Variants in PLPPR3 observed in about 807,000 individuals in gnomAD.
PLPPR3 encodes the protein phospholipid phosphatase-related protein type 3.
A neutral mutation model predicts 27.3 loss-of-function variants in PLPPR3; 14 were observed. The ratio of observed to expected loss-of-function variants is 0.51; its 90% CI spans 0.34 to 0.80. PLPPR3 has a LOEUF of 0.80. Among genes scored for constraint, PLPPR3 ranks in the 30% least tolerant of loss-of-function variants. The probability of loss-of-function intolerance (pLI) is 0.01; values close to 1 mark genes in which losing one functional copy is unlikely to be tolerated. For synonymous variants in PLPPR3, 671 were observed against 508.0 expected (o/e 1.32, Z -4.32); for missense variants, 1,287 against 1,056.9 (o/e 1.22, Z -3.02).
intron 7 of PLPPR3, among the ~76,000 whole-genome samples, chr19:814,131 C>G (rs1359626891): frequency 6.6e-6 from 1 of 152,030 alleles, no homozygotes; most frequent in African/African-American, 2.4e-5. Context: ...TGCCTTCCCC[C>G]TAAGACCCCT....
At chr19:814,812 G>C (rs1429968604) in intron 5 of PLPPR3, 63 bp from the exon 6 acceptor site, 2 of 1,568,470 alleles carry the variant, frequency 1.3e-6, no homozygotes, top group East Asian at 2.2e-5. Flanking sequence ...TGGCCTCTCT[G>C]TGTCTCTGTT....
Position 812,850 on chromosome 19 carries a change from C to T in PLPPR3, c.1877G>A (p.Arg626His), listed in dbSNP as rs1047085921. The T allele has an allele frequency of 3.5e-6, 4 of 1,145,964 alleles. No homozygotes were observed. Among genetic ancestry groups the T allele is most frequent in the South Asian group, 2.8e-5 (1 of 35,118 alleles). The allele number at this position is 1,145,964 out of a possible 1,614,324, so 71.0% of individuals were successfully genotyped here. A position where few individuals can be genotyped will look rare whatever the true frequency, so the allele number is the denominator to read the frequency against. Residue 626 changes from arginine (R) to histidine (H), a missense_variant, in exon 8 of 8, where the codon CGC (arginine) becomes CAC (histidine). Transcript: ENST00000520876. The stretch of plus-strand genomic sequence containing the variant: ...GGGCTTGGCCCCGCCGCGGAAGCCG[C>T]GCGCCAGGTCCCCCAGCTCGTAGCC... The part of the protein sequence containing the change: ...DGGYELGDLA[R>H]GFRGGAKPPG...
intron 2 of PLPPR3, among the ~76,000 whole-genome samples, chr19:819,966 A>G (rs1190413467): frequency 6.6e-6 from 1 of 150,498 alleles, no homozygotes; most frequent in African/African-American, 2.4e-5. Flanking sequence ...TCAGGCTCCT[A>G]TGTAACTGAG....
Position 814,995 on chromosome 19 carries a change from T to C in PLPPR3, c.490A>G (p.Thr164Ala), listed in dbSNP as rs772524973. 3 of 1,611,926 alleles carry C rather than the reference T, an allele frequency of 1.9e-6. No individual in the cohort carries two copies. The South Asian group carries it at 3.3e-5, about 18-fold the overall frequency. Residue 164 changes from threonine (T) to alanine (A), a missense_variant, in exon 5 of 8, where the codon ACC (threonine) becomes GCC (alanine). Coordinates refer to ENST00000520876, the MANE Select transcript of PLPPR3 (RefSeq NM_001270366.2). ...ATGYHTPFFL[T>A]VCKPNYTLLG... is the part of the protein sequence containing the mutation. ...AGAGTGTAGTTGGGCTTGCAGACGG[T>C]GAGGAAGAAGGGAGTGTGGTAACCC...
At position 814,372 on chromosome 19, in the gene PLPPR3, A is replaced by G. The variant is rs1335459576; in HGVS notation, c.831+62T>C. On this transcript the variant is annotated intron_variant, in intron 7 of 7. Transcript: ENST00000520876. ...CCCCACTCAGGCCCTGTGGGCACTC[A>G]TGCCTCCCCCCTCAGATCCCCTGGG... is the stretch of plus-strand genomic sequence containing the variant. 2.0e-6 allele frequency: 3 copies of G among 1,483,010 alleles called. No homozygotes were observed. In the South Asian group the frequency reaches 3.9e-5, roughly 19 times the overall value. 91.9% of individuals were successfully genotyped at this position (1,483,010 alleles called of 1,614,324 possible).
At chr19:821,456 C>T (rs763791316) in intron 2 of PLPPR3, 29 bp downstream of exon 2, 3 of 1,503,940 alleles carry the variant, frequency 2.0e-6, no homozygotes, top group Non-Finnish European at 2.7e-6. Flanking sequence ...GAGGCGTCTC[C>T]CCCGGGCCCC....
At position 813,579 on chromosome 19, in the gene PLPPR3, G is replaced by C; in HGVS notation, c.1148C>G (p.Pro383Arg). The change falls in exon 8 of 8, where the codon CCC becomes CGC. Residue 383 changes from proline to arginine, a missense_variant. By Grantham distance (103) the Pro-to-Arg change is moderately radical. Transcript: ENST00000520876. The surrounding 1 kb of genome is among the most constrained non-coding windows in gnomAD (Gnocchi z 4.1). ...FSHTLPRASA[P>R]SLDDPARRHM... ...GCGGCGCGCGGGGTCGTCCAGCGAGGGCGCGCTGGCCCTGGGCAGCGTGTG... is the reference window on the plus strand; with the variant it reads ...GCGGCGCGCGGGGTCGTCCAGCGAGCGCGCGCTGGCCCTGGGCAGCGTGTG... The C allele has an allele frequency of 1.3e-6, 2 of 1,555,180 alleles. No homozygotes were observed. The highest frequency in any genetic ancestry group is 1.9e-5 in the Admixed American group (1 of 52,384).
intron 2 of PLPPR3, among the ~76,000 whole-genome samples, chr19:821,054 C>T (rs897744424): frequency 2.6e-5 from 4 of 152,166 alleles, no homozygotes; most frequent in Non-Finnish European, 4.4e-5. Flanking sequence ...AGTGGAAAAG[C>T]GGAGGCCCAG....
intron 1 of PLPPR3, 161 bp from the exon 2 acceptor site, chr19:821,746 G>A (rs2035150322): frequency 7.4e-6 from 3 of 406,276 alleles, no homozygotes; most frequent in Non-Finnish European, 1.3e-5. Flanking sequence ...GCGGCTTCCG[G>A]GCGCCCCTAC....
chr19:813,483 C>A lies in PLPPR3; in HGVS notation c.1244G>T (p.Ser415Ile), dbSNP rs1175392710. The A allele has an allele frequency of 1.4e-5, 21 of 1,546,428 alleles. No homozygotes were observed. The East Asian group carries it at 3.4e-4, about 25-fold the overall frequency. The change falls in exon 8 of 8, where the codon AGC becomes ATC. Residue 415 changes from serine to isoleucine, a missense_variant. Physicochemically the swap from Ser to Ile is moderately radical, Grantham distance 142. Coordinates refer to ENST00000520876, the MANE Select transcript of PLPPR3 (RefSeq NM_001270366.2). This position sits in a 1 kb window ranked among gnomAD's most constrained non-coding sequence, Gnocchi z 4.1. ...KQLISEWKQK[S>I]LEGRGLGLPD... ...CAGCCCCAGGCCGCGGCCCTCCAGG[C>A]TCTTCTGCTTCCACTCGCTGATGAG... is the stretch of plus-strand genomic sequence containing the variant.
intron 2 of PLPPR3, 50 bp from the exon 3 acceptor site, chr19:815,901 G>C: frequency 1.3e-6 from 2 of 1,577,026 alleles, no homozygotes; most frequent in Non-Finnish European, 1.7e-6. Context: ...TCGCGGAGGC[G>C]TCTGTCCAGC....
intron 1 of PLPPR3, 61 bp from the exon 2 acceptor site, chr19:821,646 T>C (rs1407782130): frequency 1.1e-5 from 9 of 816,488 alleles, no homozygotes; most frequent in Non-Finnish European, 1.5e-5. Flanking sequence ...GGAGACACGG[T>C]GGCCGGCGCC....
In PLPPR3 at chr19:812,541, G is replaced by GGGGCCCCCCC; in HGVS notation, c.*28_*29insGGGGGGGCCC. The GGGGCCCCCCC allele has an allele frequency of 8.1e-6, 5 of 617,396 alleles. No individual in the cohort carries two copies. Among genetic ancestry groups the GGGGCCCCCCC allele is most frequent in the Non-Finnish European group, 1.0e-5 (5 of 496,530 alleles). The allele number at this position is 617,396 out of a possible 1,614,324, so 38.2% of individuals were successfully genotyped here. ...GCGCGGCCGCCCGCGCCCTCGGCCC[G>GGGGCCCCCCC]CCCCCCGCCCGCCCCCGGCCCCGCC... On this transcript the variant is annotated 3_prime_UTR_variant, in exon 8 of 8. Transcript: ENST00000520876.
chr19:812,559 G>GCCCC lies in PLPPR3; in HGVS notation c.*7_*10dup. The GCCCC allele has an allele frequency of 1.8e-5, 7 of 383,644 alleles. No individual in the cohort carries two copies. The highest frequency in any genetic ancestry group is 1.8e-5 in the Non-Finnish European group (5 of 283,808). 23.8% of individuals were successfully genotyped at this position (383,644 alleles called of 1,614,324 possible). A position where few individuals can be genotyped will look rare whatever the true frequency, so the allele number is the denominator to read the frequency against. On this transcript the variant is annotated 3_prime_UTR_variant, in exon 8 of 8. Coordinates refer to ENST00000520876, the MANE Select transcript of PLPPR3 (RefSeq NM_001270366.2). ...TCGGCCCGCCCCCCGCCCGCCCCCG[G>GCCCC]CCCCGCCGCGCTAGTCGGGGAAGCG...
intron 2 of PLPPR3, among the ~76,000 whole-genome samples, chr19:819,343 C>T (rs543652190): frequency 3.4e-5 from 5 of 145,232 alleles, no homozygotes; most frequent in Admixed American, 7.0e-5. Flanking sequence ...TGCAGTGGCG[C>T]GATCTCGGCT....
intron 2 of PLPPR3, among the ~76,000 whole-genome samples, chr19:818,350 T>G (rs936328947): frequency 4.6e-5 from 7 of 151,858 alleles, no homozygotes; most frequent in Non-Finnish European, 1.0e-4. Flanking sequence ...TCCACTGCAC[T>G]CCAGCTTGGG....
In PLPPR3 at chr19:815,252, C is replaced by T. The variant is rs746933127; in HGVS notation, c.337G>A (p.Glu113Lys). ...WGRAGGPAGA[E>K]GSINAGGCNF... ...CAGCCGCCGGCGTTGATGCTGCCCTCCGCCCCGGCGGGCCCCCCGGCACGG... is the reference window on the plus strand; with the variant it reads ...CAGCCGCCGGCGTTGATGCTGCCCTTCGCCCCGGCGGGCCCCCCGGCACGG... The change falls in exon 4 of 8, where the codon GAG (glutamate) becomes AAG (lysine). Residue 113 changes from glutamate to lysine, a missense_variant. Coordinates refer to ENST00000520876, the MANE Select transcript of PLPPR3 (RefSeq NM_001270366.2). 1.3e-6 allele frequency: 2 copies of T among 1,573,674 alleles called. No individual in the cohort carries two copies. Among genetic ancestry groups the T allele is most frequent in the Non-Finnish European group, 1.7e-6 (2 of 1,162,516 alleles).
chr19:812,919 TC>T lies in PLPPR3; in HGVS notation c.1807del (p.Glu603SerfsTer139). 2 of 1,323,328 alleles carry T rather than the reference TC, an allele frequency of 1.5e-6. No individual in the cohort carries two copies. Among genetic ancestry groups the T allele is most frequent in the South Asian group, 1.5e-5 (1 of 65,512 alleles). The allele number at this position is 1,323,328 out of a possible 1,614,324, so 82.0% of individuals were successfully genotyped here. ...GGCCCCGCCGCCCGCCGCCTTCCACTCCCAGGGCGCGCCGCCGGCCGACAGG... is the reference window on the plus strand; with the variant it reads ...GGCCCCGCCGCCCGCCGCCTTCCACTCCAGGGCGCGCCGCCGGCCGACAGG... ...VHLSAGGAPW[E>X]WKAAGGGAKA... is the part of the protein sequence containing the mutation. On this transcript the variant is annotated frameshift_variant, in exon 8 of 8. Coordinates refer to ENST00000520876, the MANE Select transcript of PLPPR3 (RefSeq NM_001270366.2). LOFTEE classifies it low-confidence loss of function (END_TRUNC).
Position 813,692 on chromosome 19 carries a change from C to G in PLPPR3, c.1035G>C (p.Ser345=), listed in dbSNP as rs559205087. ...APRPVAREKT[S]LGSLKRASVD... is the part of the protein sequence containing the mutation. ...CGCTGGCGCGCTTCAGGCTGCCCAG[C>G]GAGGTCTTCTCGCGGGCCACGGGCC... is the stretch of plus-strand genomic sequence containing the variant. The change falls in exon 8 of 8, where the codon TCG becomes TCC. Residue 345 remains serine (S), a synonymous_variant. Transcript: ENST00000520876. This position sits in a 1 kb window ranked among gnomAD's most constrained non-coding sequence, Gnocchi z 4.1. The G allele has an allele frequency of 1.7e-4, 254 of 1,530,760 alleles. 2 individuals carry two copies. The South Asian group carries it at 1.9e-3, about 12-fold the overall frequency. 94.8% of individuals were successfully genotyped at this position (1,530,760 alleles called of 1,614,324 possible).
Sources: allele counts gnomAD v4.1 joint callset (sites outside exome capture counted in the v4.1 genomes callset), GRCh38; gene constraint gnomAD v4.1.1; non-coding constraint Gnocchi (gnomAD v3.1); transcripts MANE v1.5; gene names NCBI Gene and HGNC (gene_info 2026-07-23, HGNC 2026-07-21).